The following RERGL variants were observed in gnomAD, a reference collection of about 807,000 sequenced individuals.
The protein encoded by RERGL is RERG like, also known as ras-related and estrogen-regulated growth inhibitor-like protein.
Under a neutral mutation model 24.7 loss-of-function variants are expected in RERGL, and 22 were observed. That is an observed-to-expected ratio of 0.89 (90% CI 0.64 to 1.27). The LOEUF (loss-of-function observed/expected upper bound fraction) is 1.27, where lower values mean the gene tolerates loss of function less well. Among genes scored for constraint, RERGL ranks in the 50% most tolerant of loss-of-function variants. The pLI is 0.00. For missense variants in RERGL, 259 were observed against 235.3 expected (o/e 1.10, Z -0.66); for synonymous variants, 76 against 82.6 (o/e 0.92, Z 0.43).
At chr12:18,089,265 G>T (rs1429399365) in intron 1 of RERGL, 1 of 1,607,628 alleles carries the variant, frequency 6.2e-7, no homozygotes, top group Non-Finnish European at 8.5e-7. Context: ...TTATATTTGA[G>T]ATGCAAGAAG....
chr12:18,083,486 T>C (rs772748178), intron 4 of RERGL, among the ~76,000 whole-genome samples: 3 of 152,090 alleles, frequency 2.0e-5, no homozygotes, highest in Non-Finnish European at 2.9e-5. Context: ...AGTAATATTA[T>C]AGGAAGTAAG....
At position 18,088,938 on chromosome 12, in the gene RERGL, A is replaced by G; in HGVS notation, c.71T>C (p.Leu24Pro). Residue 24 changes from leucine to proline, a missense_variant, in exon 2 of 5, where the codon CTT (leucine) becomes CCT (proline). By Grantham distance (98) the Leu-to-Pro change is moderately conservative. Transcript: ENST00000538724. ...TGKSALTVRF[L>P]TKRFIGEYAS... ...ATATTCTCCAATGAATCGCTTAGTA[A>G]GAAACCTCACTGTAAGGGCTGCAAA... 2 of 1,610,724 alleles carry G rather than the reference A, an allele frequency of 1.2e-6. No individual in the cohort carries two copies. Among genetic ancestry groups the G allele is most frequent in the Non-Finnish European group, 1.7e-6 (2 of 1,177,174 alleles).
chr12:18,081,621 C>G (rs1947174297), intron 4 of RERGL, 148 bp from the exon 5 acceptor site: 1 of 665,684 alleles, frequency 1.5e-6, no homozygotes, highest in Non-Finnish European at 2.4e-6. Flanking sequence ...TGTGTGTATA[C>G]AGTTACACAT....
chr12:18,087,858 A>G (rs1034812898), intron 2 of RERGL, among the ~76,000 whole-genome samples: 2 of 152,084 alleles, frequency 1.3e-5, no homozygotes, highest in African/African-American at 4.8e-5. Flanking sequence ...AAACAACAGG[A>G]ATTTTTCTTT....
intron 2 of RERGL, among the ~76,000 whole-genome samples, chr12:18,086,744 C>T (rs1055985925): frequency 6.6e-6 from 1 of 152,120 alleles, no homozygotes; most frequent in Non-Finnish European, 1.5e-5. Context: ...CCTTTACATG[C>T]CAATTATTTC....
intron 3 of RERGL, 45 bp from the exon 4 acceptor site, chr12:18,084,710 T>A (rs1408325526): frequency 6.4e-7 from 1 of 1,552,890 alleles, no homozygotes; most frequent in South Asian, 1.2e-5. Flanking sequence ...ATCTAATACC[T>A]GTGTTTTTAT....
At chr12:18,083,241 T>A (rs10840949) in intron 4 of RERGL, among the ~76,000 whole-genome samples, 1 of 152,008 alleles carries the variant, frequency 6.6e-6, no homozygotes, top group Non-Finnish European at 1.5e-5. Flanking sequence ...TTTCCTAGTC[T>A]TTTTACAGAT....
At chr12:18,081,593 GTA>G in intron 4 of RERGL, 120 bp from the exon 5 acceptor site, 1 of 913,194 alleles carries the variant, frequency 1.1e-6, no homozygotes, top group African/African-American at 1.7e-5. Flanking sequence ...AATATTGTGT[GTA>G]TGTTACTTAT....
rs781534098 is a variant in RERGL at position 18,081,237 on chromosome 12, G to T, written c.569C>A (p.Ala190Asp). ...KRRPSGSKSM[A>D]KLINNVFGKR... is the part of the protein sequence containing the mutation. ...TCCAAATACATTATTGATCAATTTG[G>T]CCATTGATTTAGATCCACTGGGACG... The change falls in exon 5 of 5, where the codon GCC becomes GAC. Residue 190 changes from alanine to aspartate, a missense_variant. Ala to Asp is a moderately radical substitution (Grantham distance 126). Coordinates refer to ENST00000538724, the MANE Select transcript of RERGL (RefSeq NM_001286201.2). 161 of 1,608,104 alleles carry T rather than the reference G, an allele frequency of 1.0e-4. No homozygotes were observed. The Admixed American group carries it at 2.6e-3, about 26-fold the overall frequency.
intron 1 of RERGL, 80 bp downstream of exon 1, chr12:18,090,009 A>C: frequency 1.1e-6 from 1 of 944,994 alleles, no homozygotes; most frequent in Non-Finnish European, 1.5e-6. Context: ...TATATATGAA[A>C]TACGTGGTTA....
chr12:18,082,419 A>C (rs572257859), intron 4 of RERGL, among the ~76,000 whole-genome samples: 1 of 152,272 alleles, frequency 6.6e-6, no homozygotes, highest in East Asian at 1.9e-4. Context: ...AATAATCTGT[A>C]CAACAAACCT....
At position 18,084,776 on chromosome 12, in the gene RERGL, T is replaced by C. The variant is rs142767256; in HGVS notation, c.184-111A>G. 3.1e-4 allele frequency: 234 copies of C among 751,454 alleles called. 2 individuals carry two copies. In the African/African-American group the frequency reaches 4.0e-3, roughly 13 times the overall value. The allele number at this position is 751,454 out of a possible 1,614,324, so 46.5% of individuals were successfully genotyped here. On this transcript the variant is annotated intron_variant, in intron 3 of 4. Transcript: ENST00000538724. ...TTCCGCTGGAAGATACATCAATGTGTTAAATATTGATATTTTCTAAAATAT... is the reference window on the plus strand; with the variant it reads ...TTCCGCTGGAAGATACATCAATGTGCTAAATATTGATATTTTCTAAAATAT...
At chr12:18,088,049 T>C (rs2136833927) in intron 2 of RERGL, among the ~76,000 whole-genome samples, 1 of 152,266 alleles carries the variant, frequency 6.6e-6, no homozygotes, top group Non-Finnish European at 1.5e-5. Flanking sequence ...AGATTTTTGT[T>C]TCTCATGGAA....
chr12:18,089,979 A>G (rs923254373), intron 1 of RERGL, 110 bp downstream of exon 1: 1 of 700,346 alleles, frequency 1.4e-6, no homozygotes, highest in Non-Finnish European at 2.1e-6. Flanking sequence ...TATTATAGAT[A>G]TATTTTCATA....
At chr12:18,089,018 T>G in intron 1 of RERGL, 62 bp from the exon 2 acceptor site, 12 of 1,376,250 alleles carry the variant, frequency 8.7e-6, no homozygotes, top group Non-Finnish European at 1.2e-5. Context: ...AATTTGGTTA[T>G]GTGCATAAGG....
In RERGL at chr12:18,081,105, A is replaced by G; in HGVS notation, c.*86T>C. ...TCCAAGAGAATTCTTTTTACCAAAA[A>G]AAAATTGCATACAAAGGTTAGTTTA... On this transcript the variant is annotated 3_prime_UTR_variant, in exon 5 of 5. Coordinates refer to ENST00000538724, the MANE Select transcript of RERGL (RefSeq NM_001286201.2). 1 of 1,263,364 alleles carries G rather than the reference A, an allele frequency of 7.9e-7. No individual in the cohort carries two copies. The highest frequency in any genetic ancestry group is 1.1e-6 in the Non-Finnish European group (1 of 925,078). The allele number at this position is 1,263,364 out of a possible 1,614,324, so 78.3% of individuals were successfully genotyped here. A position where few individuals can be genotyped will look rare whatever the true frequency, so the allele number is the denominator to read the frequency against.
At chr12:18,083,287 A>G (rs1362344514) in intron 4 of RERGL, among the ~76,000 whole-genome samples, 2 of 152,128 alleles carry the variant, frequency 1.3e-5, no homozygotes, top group East Asian at 3.9e-4. Flanking sequence ...TATCTAGTCA[A>G]TAAACTAGAA....
At chr12:18,089,995 G>A (rs985976628) in intron 1 of RERGL, 94 bp downstream of exon 1, 32 of 792,022 alleles carry the variant, frequency 4.0e-5, no homozygotes, top group Non-Finnish European at 5.7e-5. Flanking sequence ...TCATATATAT[G>A]AAATATATAT....
intron 2 of RERGL, among the ~76,000 whole-genome samples, chr12:18,087,195 TG>T (rs1351046901): frequency 2.0e-5 from 3 of 152,246 alleles, no homozygotes; most frequent in Admixed American, 2.0e-4. Context: ...CTGTTTCTGG[TG>T]TATTCTCAAC....
Sources: allele counts gnomAD v4.1 joint callset (sites outside exome capture counted in the v4.1 genomes callset), GRCh38; gene constraint gnomAD v4.1.1; transcripts MANE v1.5; gene names NCBI Gene and HGNC (gene_info 2026-07-23, HGNC 2026-07-21).